Variants in SLC12A4 observed in about 807,000 individuals in gnomAD.
SLC12A4 encodes solute carrier family 12 member 4.
In SLC12A4, 84 loss-of-function variants were observed where a neutral mutation model predicts 119.2. The ratio of observed to expected loss-of-function variants is 0.70; its 90% CI spans 0.59 to 0.85. The LOEUF (loss-of-function observed/expected upper bound fraction) is 0.85. Ranked by LOEUF, SLC12A4 falls within the 40% of genes least tolerant of loss-of-function variation. The probability of loss-of-function intolerance (pLI) is 0.00; values close to 1 mark genes in which losing one functional copy is unlikely to be tolerated. For synonymous variants in SLC12A4, 599 were observed against 604.6 expected (o/e 0.99, Z 0.14); for missense variants, 1,298 against 1,476.3 (o/e 0.88, Z 1.98).
chr16:67,963,706 G>C (rs2030706072), intron 1 of SLC12A4, 147 bp from the exon 2 acceptor site: 1 of 826,264 alleles, frequency 1.2e-6, no homozygotes, highest in Admixed American at 2.9e-5. Flanking sequence ...ACATGGCACC[G>C]TGCCAATGCT....
rs563968122 is a variant in SLC12A4 at position 67,945,622 on chromosome 16, G to A, written c.2848-69C>T. The A allele has an allele frequency of 2.1e-5, 33 of 1,544,194 alleles. No individual in the cohort carries two copies. The South Asian group carries it at 3.5e-4, about 17-fold the overall frequency. On this transcript the variant is annotated intron_variant, in intron 21 of 23. Coordinates refer to ENST00000316341, the MANE Select transcript of SLC12A4 (RefSeq NM_005072.5). ...GGGGATGGGGCCTGTCTGGCCCAAT[G>A]TGACCACCTTGCCTCCGGGAAATGA...
chr16:67,965,469 T>C (rs1225522763), intron 1 of SLC12A4, among the ~76,000 whole-genome samples: 1 of 152,240 alleles, frequency 6.6e-6, no homozygotes, highest in Non-Finnish European at 1.5e-5. Context: ...ACCTGAGTGC[T>C]TGCCCCCTTC....
intron 1 of SLC12A4, among the ~76,000 whole-genome samples, chr16:67,966,161 A>G (rs2030861795): frequency 6.6e-6 from 1 of 152,082 alleles, no homozygotes; most frequent in South Asian, 2.1e-4. Flanking sequence ...TGAAGTGGAG[A>G]TTGTAACACT....
intron 1 of SLC12A4, chr16:67,966,898 C>T: frequency 6.7e-7 from 1 of 1,487,792 alleles, no homozygotes; most frequent in South Asian, 1.3e-5. Context: ...AGCTCCAGGT[C>T]CCTCCAGTCA....
At chr16:67,948,540 G>A (rs997135452) in intron 13 of SLC12A4, among the ~76,000 whole-genome samples, 2 of 152,216 alleles carry the variant, frequency 1.3e-5, no homozygotes, top group Admixed American at 1.3e-4. Context: ...GGGGAGGATG[G>A]AAGATAAGCT....
rs1470287577 is a variant in SLC12A4 at position 67,957,780 on chromosome 16, A to G, written c.506T>C (p.Ile169Thr). The G allele has an allele frequency of 6.2e-7, 1 of 1,613,850 alleles. No homozygotes were observed. Among genetic ancestry groups the G allele is most frequent in the Non-Finnish European group, 8.5e-7 (1 of 1,180,024 alleles). The part of the protein sequence containing the change: ...ICCCCTLLTA[I>T]SMSAIATNGV... ...GTTGGTGGCGATGGCACTCATGGAG[A>G]TGGCCGTCAGCAGGGTCTGTGGGAA... Residue 169 changes from isoleucine (I) to threonine (T), a missense_variant, in exon 5 of 24, where the codon ATC becomes ACC. Ile to Thr is a moderately conservative substitution (Grantham distance 89). Coordinates refer to ENST00000316341, the MANE Select transcript of SLC12A4 (RefSeq NM_005072.5).
intron 5 of SLC12A4, among the ~76,000 whole-genome samples, chr16:67,956,481 T>C (rs2030267099): frequency 6.6e-6 from 1 of 151,618 alleles, no homozygotes; most frequent in Admixed American, 6.6e-5. Flanking sequence ...AGGTCAAGAG[T>C]TCGAAACCAT....
chr16:67,946,906 T>C, intron 17 of SLC12A4, 31 bp downstream of exon 17: 1 of 1,605,426 alleles, frequency 6.2e-7, no homozygotes, highest in Non-Finnish European at 8.5e-7. Flanking sequence ...CCCTGTAGTC[T>C]GGCTCAGCTC....
At position 67,946,858 on chromosome 16, in the gene SLC12A4, G is replaced by A. The variant is rs569522638; in HGVS notation, c.2241+79C>T. The A allele has an allele frequency of 2.7e-4, 411 of 1,503,668 alleles. 3 individuals are homozygous for A. In the South Asian group the frequency reaches 4.9e-3, roughly 18 times the overall value. 93.1% of individuals were successfully genotyped at this position (1,503,668 alleles called of 1,614,324 possible). A position where few individuals can be genotyped will look rare whatever the true frequency, so the allele number is the denominator to read the frequency against. ...CTGCCTGGCTGGCCACCCTGGCCAA[G>A]ACTGGGCCCTCCCCTCCGTGCCAGC... On this transcript the variant is annotated intron_variant, in intron 17 of 23. Transcript: ENST00000316341.
At chr16:67,959,149 C>T (rs368688788) in intron 3 of SLC12A4, among the ~76,000 whole-genome samples, 7 of 152,252 alleles carry the variant, frequency 4.6e-5, no homozygotes, top group South Asian at 4.1e-4. Context: ...AGATCTAATA[C>T]GCAAATCCAG....
Position 67,950,685 on chromosome 16 carries a change from C to A in SLC12A4, c.1423G>T (p.Ala475Ser). ...CGGAGAACCACACCCTCAATGCAGG[C>A]ACCAAAGAGAACCACACTGCTGAAG... is the stretch of plus-strand genomic sequence containing the variant. ...VYFSSVVLFG[A>S]CIEGVVLRDK... The change falls in exon 11 of 24, where the codon GCC becomes TCC. Residue 475 changes from alanine to serine, a missense_variant. By Grantham distance (99) the Ala-to-Ser change is moderately conservative. Coordinates refer to ENST00000316341, the MANE Select transcript of SLC12A4 (RefSeq NM_005072.5). The surrounding 1 kb of genome is among the most constrained non-coding windows in gnomAD (Gnocchi z 4.3). 6.2e-7 allele frequency: 1 copy of A among 1,612,248 alleles called. No individual in the cohort carries two copies. The highest frequency in any genetic ancestry group is 8.5e-7 in the Non-Finnish European group (1 of 1,179,160).
intron 2 of SLC12A4, 142 bp downstream of exon 2, chr16:67,963,323 G>T: frequency 2.0e-6 from 1 of 509,100 alleles, no homozygotes; most frequent in East Asian, 3.8e-5. Context: ...CAAGGGAACT[G>T]CAGCCCGGCT....
chr16:67,957,598 C>T (rs529739064), intron 5 of SLC12A4, 144 bp downstream of exon 5: 15 of 837,926 alleles, frequency 1.8e-5, no homozygotes, highest in East Asian at 7.8e-5. Context: ...AAAGCTCCTA[C>T]GTGGGCACTG....
chr16:67,967,594 G>A (rs1474444576), intron 1 of SLC12A4, among the ~76,000 whole-genome samples: 2 of 152,170 alleles, frequency 1.3e-5, no homozygotes, highest in Admixed American at 1.3e-4. Flanking sequence ...GGCCTCCTGG[G>A]GTAGGAGATA....
At position 67,949,588 on chromosome 16, in the gene SLC12A4, A is replaced by G. The variant is rs2058390141; in HGVS notation, c.1748+212T>C. The G allele has an allele frequency of 4.3e-6, 2 of 470,450 alleles. No individual in the cohort carries two copies. The highest frequency in any genetic ancestry group is 7.5e-6 in the Non-Finnish European group (2 of 267,962). 29.1% of individuals were successfully genotyped at this position (470,450 alleles called of 1,614,324 possible). A position where few individuals can be genotyped will look rare whatever the true frequency, so the allele number is the denominator to read the frequency against. On this transcript the variant is annotated intron_variant, in intron 13 of 23. Coordinates refer to ENST00000316341, the MANE Select transcript of SLC12A4 (RefSeq NM_005072.5). The surrounding 1 kb of genome is among the most constrained non-coding windows in gnomAD (Gnocchi z 4.6). The stretch of plus-strand genomic sequence containing the variant: ...GCCACCTGCTCTGGGGGCCTCAGGG[A>G]GGTGTGGACATATTGGTCACCTTAT...
chr16:67,946,082 C>G lies in SLC12A4; in HGVS notation c.2608G>C (p.Val870Leu), dbSNP rs2058342919. Reference sequence around the variant, plus strand: ...ATGCGCATCCGGCACTTCCTCCAGACCTGAGGCAAGGGACCAGGTGGGCGG... The same window carrying G: ...ATGCGCATCCGGCACTTCCTCCAGAGCTGAGGCAAGGGACCAGGTGGGCGG... ...LLPFLLRQHKVWRKCRMRIFT... is the reference protein window; with the variant it reads ...LLPFLLRQHKLWRKCRMRIFT... Residue 870 changes from valine to leucine, a missense_variant and splice_region_variant, in exon 20 of 24, where the codon GTC (valine) becomes CTC (leucine). Physicochemically the swap from Val to Leu is conservative, Grantham distance 32. Transcript: ENST00000316341. The G allele has an allele frequency of 2.5e-6, 4 of 1,613,628 alleles. No individual in the cohort carries two copies. The South Asian group carries it at 4.4e-5, about 18-fold the overall frequency.
At chr16:67,963,927 G>A in intron 1 of SLC12A4, 3 of 1,551,420 alleles carry the variant, frequency 1.9e-6, no homozygotes, top group South Asian at 2.4e-5. Context: ...TCTTTCCGGA[G>A]TACCCAATGT....
Position 67,951,667 on chromosome 16 carries a change from C to T in SLC12A4, c.1132+156G>A. 9 of 703,566 alleles carry T rather than the reference C, an allele frequency of 1.3e-5. No individual in the cohort carries two copies. The highest frequency in any genetic ancestry group is 5.4e-5 in the East Asian group (2 of 36,934). 43.6% of individuals were successfully genotyped at this position (703,566 alleles called of 1,614,324 possible). On this transcript the variant is annotated intron_variant, in intron 8 of 23. Transcript: ENST00000316341. The surrounding 1 kb of genome is among the most constrained non-coding windows in gnomAD (Gnocchi z 5.2). Reference sequence around the variant, plus strand: ...AGACAGGCTCCACTCACTCCAAACTCGGCTGCCAGGAGCCAGGCTGGGAGG... The same window carrying T: ...AGACAGGCTCCACTCACTCCAAACTTGGCTGCCAGGAGCCAGGCTGGGAGG...
chr16:67,968,632 C>T lies in SLC12A4; in HGVS notation c.-79G>A. 2 of 1,301,732 alleles carry T rather than the reference C, an allele frequency of 1.5e-6. No homozygotes were observed. Among genetic ancestry groups the T allele is most frequent in the Non-Finnish European group, 1.9e-6 (2 of 1,032,272 alleles). 80.6% of individuals were successfully genotyped at this position (1,301,732 alleles called of 1,614,324 possible). ...CGCCGCTGTCCCCGCCGCCCCGGGC[C>T]GACACGCCCCGCCCGCTCGCATTCC... On this transcript the variant is annotated 5_prime_UTR_variant, in exon 1 of 24. Transcript: ENST00000316341.
Sources: allele counts gnomAD v4.1 joint callset (sites outside exome capture counted in the v4.1 genomes callset), GRCh38; gene constraint gnomAD v4.1.1; non-coding constraint Gnocchi (gnomAD v3.1); transcripts MANE v1.5; gene names NCBI Gene and HGNC (gene_info 2026-07-23, HGNC 2026-07-21).